SLC36A4: variants seen among roughly 807,000 people sequenced by gnomAD.
The protein encoded by SLC36A4 is solute carrier family 36 member 4, also known as neutral amino acid uniporter 4.
In SLC36A4, 49 loss-of-function variants were observed where a neutral mutation model predicts 50.5. The ratio of observed to expected loss-of-function variants is 0.97; its 90% CI spans 0.77 to 1.23. The LOEUF (loss-of-function observed/expected upper bound fraction) is 1.23. Ranked by LOEUF, SLC36A4 falls within the 50% of genes most tolerant of loss-of-function variation. SLC36A4 has a pLI of 0.00. For missense variants in SLC36A4, 611 were observed against 608.4 expected (o/e 1.00, Z -0.05); for synonymous variants, 207 against 206.5 (o/e 1.00, Z -0.02).
Position 93,145,952 on chromosome 11 carries a change from T to A in SLC36A4, c.*2585A>T, listed in dbSNP as rs1359651085. 6.6e-6 allele frequency: 1 copy of A among 152,110 alleles called. No homozygotes were observed. The highest frequency in any genetic ancestry group is 2.4e-5 in the African/African-American group (1 of 41,446). The allele number at this position is 152,110 out of a possible 1,614,324, so 9.4% of individuals were successfully genotyped here. A position where few individuals can be genotyped will look rare whatever the true frequency, so the allele number is the denominator to read the frequency against. On this transcript the variant is annotated 3_prime_UTR_variant, in exon 11 of 11. Coordinates refer to ENST00000326402, the MANE Select transcript of SLC36A4 (RefSeq NM_152313.4). ...CAAATACCCTTAATAAGAATACATT[T>A]AAGCTTTCCATCTAAATAGTGTTTC...
At chr11:93,192,043 CA>C (rs201428449) in intron 1 of SLC36A4, among the ~76,000 whole-genome samples, 1 of 150,364 alleles carries the variant, frequency 6.7e-6, no homozygotes, top group Non-Finnish European at 1.5e-5. Flanking sequence ...TACTAAAACT[CA>C]AAAAAAAATC....
At chr11:93,158,927 G>A (rs1289138246) in intron 9 of SLC36A4, among the ~76,000 whole-genome samples, 1 of 152,066 alleles carries the variant, frequency 6.6e-6, no homozygotes, top group East Asian at 1.9e-4. Context: ...AACATTTAGT[G>A]TACATTAAAA....
chr11:93,180,364 G>C (rs1301860483), intron 6 of SLC36A4: 44 of 978,152 alleles, frequency 4.5e-5, no homozygotes, highest in Non-Finnish European at 5.3e-5. Context: ...TTTGGACACA[G>C]TGTCTTTTTA....
intron 6 of SLC36A4, among the ~76,000 whole-genome samples, chr11:93,177,256 T>C (rs1468306486): frequency 6.6e-6 from 1 of 152,236 alleles, no homozygotes. Flanking sequence ...CTGAAGCTTG[T>C]GAATGTGTCA....
intron 6 of SLC36A4, among the ~76,000 whole-genome samples, chr11:93,169,340 G>A (rs1861028968): frequency 6.6e-6 from 1 of 152,006 alleles, no homozygotes; most frequent in African/African-American, 2.4e-5. Context: ...GTGGTTCTAG[G>A]ATTCAAACCT....
In SLC36A4 at chr11:93,184,458, G is replaced by T; in HGVS notation, c.242C>A (p.Pro81Gln). Reference sequence around the variant, plus strand: ...TATGCCTGCATTTTTTATTGCCAATGGAAGTCCTAAAAGGCCAGTTCCAAT... The same window carrying T: ...TATGCCTGCATTTTTTATTGCCAATTGAAGTCCTAAAAGGCCAGTTCCAAT... ...GNIGTGLLGL[P>Q]LAIKNAGIVL... Residue 81 changes from proline to glutamine, a missense_variant, in exon 3 of 11, where the codon CCA becomes CAA. Pro to Gln is a moderately conservative substitution (Grantham distance 76, BLOSUM62 -1). Transcript: ENST00000326402. 1 of 1,610,834 alleles carries T rather than the reference G, an allele frequency of 6.2e-7. No homozygotes were observed. Among genetic ancestry groups the T allele is most frequent in the South Asian group, 1.1e-5 (1 of 90,964 alleles).
chr11:93,188,454 C>T (rs1304586320), intron 1 of SLC36A4, among the ~76,000 whole-genome samples: 1 of 152,142 alleles, frequency 6.6e-6, no homozygotes, highest in Non-Finnish European at 1.5e-5. Context: ...GTTCCAAATT[C>T]CTGAAGTCAA....
At chr11:93,166,276 T>A in intron 7 of SLC36A4, 1 of 1,176,670 alleles carries the variant, frequency 8.5e-7, no homozygotes, top group Non-Finnish European at 1.1e-6. Flanking sequence ...TGCTTCCACC[T>A]GCAAGTCCCA....
chr11:93,171,914 G>A (rs1032855080), intron 6 of SLC36A4: 1 of 151,974 alleles, frequency 6.6e-6, no homozygotes, highest in Non-Finnish European at 1.5e-5. Context: ...AATATAAACA[G>A]GACTCTAATT....
intron 10 of SLC36A4, chr11:93,152,117 T>G (rs1397791790): frequency 6.6e-6 from 1 of 152,118 alleles, no homozygotes; most frequent in African/African-American, 2.4e-5. Flanking sequence ...AGTCCACTTC[T>G]TTAAGGACTA....
intron 9 of SLC36A4, among the ~76,000 whole-genome samples, chr11:93,156,026 G>T (rs1426834253): frequency 6.6e-6 from 1 of 152,150 alleles, no homozygotes; most frequent in Non-Finnish European, 1.5e-5. Flanking sequence ...GAAAAGTGCT[G>T]CAATGAACAA....
At chr11:93,183,182 G>A (rs1245381975) in intron 3 of SLC36A4, among the ~76,000 whole-genome samples, 1 of 152,114 alleles carries the variant, frequency 6.6e-6, no homozygotes, top group Non-Finnish European at 1.5e-5. Flanking sequence ...AACATCAGAT[G>A]GCAAGTCTAC....
At chr11:93,187,253 T>C (rs1247123043) in intron 1 of SLC36A4, among the ~76,000 whole-genome samples, 1 of 152,196 alleles carries the variant, frequency 6.6e-6, no homozygotes, top group Non-Finnish European at 1.5e-5. Flanking sequence ...TTCCTGAAGA[T>C]ATTTTCTTTG....
chr11:93,180,707 A>T, intron 6 of SLC36A4, 90 bp downstream of exon 6: 1 of 886,606 alleles, frequency 1.1e-6, no homozygotes, highest in Non-Finnish European at 1.8e-6. Context: ...CACATTTTCA[A>T]ATTCAACTGT....
At chr11:93,171,442 T>C (rs766966601) in intron 6 of SLC36A4, 10 of 152,068 alleles carry the variant, frequency 6.6e-5, no homozygotes, top group African/African-American at 1.9e-4. Flanking sequence ...GTGACAGAGA[T>C]CTACGTTTCA....
intron 3 of SLC36A4, 134 bp from the exon 4 acceptor site, chr11:93,183,028 G>C (rs1861804606): frequency 1.7e-6 from 1 of 596,060 alleles, no homozygotes; most frequent in Non-Finnish European, 2.9e-6. Context: ...ATTGCATAAG[G>C]GAAAACTAAT....
intron 7 of SLC36A4, 101 bp from the exon 8 acceptor site, chr11:93,166,117 C>A: frequency 8.0e-7 from 1 of 1,251,220 alleles, no homozygotes; most frequent in Non-Finnish European, 1.1e-6. Flanking sequence ...TTCACAACAG[C>A]AAATGTGTTA....
At chr11:93,190,004 T>C (rs374070579) in intron 1 of SLC36A4, among the ~76,000 whole-genome samples, 13 of 152,318 alleles carry the variant, frequency 8.5e-5, no homozygotes, top group African/African-American at 2.9e-4. Context: ...TAAAAATTAG[T>C]TGGGACCTCC....
At chr11:93,191,466 G>A (rs369246247) in intron 1 of SLC36A4, among the ~76,000 whole-genome samples, 154 of 152,280 alleles carry the variant, frequency 1.0e-3, no homozygotes, top group Non-Finnish European at 1.9e-3. Flanking sequence ...GTCGAGAATC[G>A]CGTCCCTTTC....
Sources: gnomAD v4.1 joint callset for allele counts (sites outside exome capture counted in the v4.1 genomes callset) on GRCh38, gnomAD v4.1.1 for gene constraint, MANE v1.5 for transcripts, NCBI Gene and HGNC (gene_info 2026-07-23, HGNC 2026-07-21) for gene names.